CCSER1: variants seen among roughly 807,000 people sequenced by gnomAD.
CCSER1 encodes serine-rich coiled-coil domain-containing protein 1.
CCSER1 carries 41 observed loss-of-function variants against 82.0 expected under a neutral mutation model. The ratio of observed to expected loss-of-function variants is 0.50; its 90% confidence interval spans 0.39 to 0.65. The LOEUF is 0.65. Among genes scored for constraint, CCSER1 ranks in the 30% least tolerant of loss-of-function variants. CCSER1 has a pLI of 0.00. For synonymous variants in CCSER1, 414 were observed against 383.9 expected (o/e 1.08, Z -0.92); for missense variants, 1,119 against 1,064.2 (o/e 1.05, Z -0.72).
intron 10 of CCSER1, among the ~76,000 whole-genome samples, chr4:91,130,448 C>CA (rs1346983577): frequency 6.6e-6 from 1 of 151,824 alleles, no homozygotes; most frequent in Non-Finnish European, 1.5e-5. Flanking sequence ...AGGTCCTTCT[C>CA]AGTTCTAAGT....
chr4:90,874,488 G>C (rs1186849297), intron 8 of CCSER1, among the ~76,000 whole-genome samples: 1 of 151,842 alleles, frequency 6.6e-6, no homozygotes, highest in Non-Finnish European at 1.5e-5. Flanking sequence ...TCTTGTGGAT[G>C]GGACATTTGG....
intron 9 of CCSER1, among the ~76,000 whole-genome samples, chr4:90,969,811 C>T (rs1414285620): frequency 6.6e-6 from 1 of 151,688 alleles, no homozygotes; most frequent in Non-Finnish European, 1.5e-5. Context: ...GTGTAAACTA[C>T]TTGTAATTCT....
At chr4:90,940,242 T>G (rs1376138186) in intron 9 of CCSER1, among the ~76,000 whole-genome samples, 1 of 152,230 alleles carries the variant, frequency 6.6e-6, no homozygotes, top group South Asian at 2.1e-4. Context: ...TGATTTCTTT[T>G]TAATACCAGC....
intron 7 of CCSER1, among the ~76,000 whole-genome samples, chr4:90,727,747 C>G (rs1743926590): frequency 6.6e-6 from 1 of 152,172 alleles, no homozygotes; most frequent in South Asian, 2.1e-4. Flanking sequence ...CATAAAAGTA[C>G]AATTTATCAT....
intron 10 of CCSER1, among the ~76,000 whole-genome samples, chr4:91,366,229 C>A (rs1016391498): frequency 1.3e-5 from 2 of 152,160 alleles, no homozygotes; most frequent in African/African-American, 4.8e-5. Context: ...CTATGTTAGC[C>A]AGGCTGGTCT....
chr4:91,024,579 A>G (rs1030809104), intron 9 of CCSER1, among the ~76,000 whole-genome samples: 15 of 152,078 alleles, frequency 9.9e-5, no homozygotes, highest in Non-Finnish European at 1.9e-4. Context: ...ACATTTTTCC[A>G]AAGGAGTTTC....
At chr4:91,005,020 G>A (rs954097646) in intron 9 of CCSER1, among the ~76,000 whole-genome samples, 2 of 152,034 alleles carry the variant, frequency 1.3e-5, no homozygotes, top group African/African-American at 4.8e-5. Flanking sequence ...AAATGAATAG[G>A]GACAGCATTG....
intron 10 of CCSER1, among the ~76,000 whole-genome samples, chr4:91,103,073 T>C (rs1277428917): frequency 6.6e-6 from 1 of 152,222 alleles, no homozygotes; most frequent in African/African-American, 2.4e-5. Context: ...ATTTAGTTCC[T>C]GTAAACCCAC....
Position 91,491,320 on chromosome 4 carries a change from C to A in CCSER1, c.2218-107252C>A, listed in dbSNP as rs140720560. ...TTGGGGTCAGAGGCAAGTTATCAAA[C>A]CTAGCGAGTCAGTAAACCTCTGTAA... On this transcript the variant is annotated intron_variant, in intron 10 of 10. Coordinates refer to ENST00000509176, the MANE Select transcript of CCSER1 (RefSeq NM_001145065.2). Among the ~76,000 whole-genome samples, 1,488 of 152,010 alleles carry A rather than the reference C, an allele frequency of 9.8e-3. 10 individuals carry two copies. Among genetic ancestry groups the A allele is most frequent in the Middle Eastern group, 0.021 (6 of 292 alleles).
chr4:91,108,235 G>C (rs1581571832), intron 10 of CCSER1: 1 of 152,158 alleles, frequency 6.6e-6, no homozygotes, highest in Non-Finnish European at 1.5e-5. Context: ...ATTGTGGCCT[G>C]TAAATCTCTT....
intron 10 of CCSER1, among the ~76,000 whole-genome samples, chr4:91,220,127 G>T (rs1737618527): frequency 6.6e-6 from 1 of 152,174 alleles, no homozygotes; most frequent in Non-Finnish European, 1.5e-5. Flanking sequence ...ACTATACTGG[G>T]CATGTTAAAA....
intron 9 of CCSER1, among the ~76,000 whole-genome samples, chr4:90,934,444 A>G (rs975971307): frequency 3.1e-5 from 4 of 127,016 alleles, no homozygotes; most frequent in Non-Finnish European, 6.4e-5. Flanking sequence ...CTAATTGAAG[A>G]ATATTTTCTT....
chr4:91,549,623 C>A (rs1413461029), intron 10 of CCSER1, among the ~76,000 whole-genome samples: 1 of 152,034 alleles, frequency 6.6e-6, no homozygotes, highest in Non-Finnish European at 1.5e-5. Context: ...GATCACTTGA[C>A]CTCAGGAGTT....
intron 1 of CCSER1, among the ~76,000 whole-genome samples, chr4:90,128,332 C>T (rs923320628): frequency 6.6e-6 from 1 of 152,124 alleles, no homozygotes; most frequent in Non-Finnish European, 1.5e-5. Context: ...CCGGAGGAAC[C>T]GCAGTGCGGG....
intron 4 of CCSER1, among the ~76,000 whole-genome samples, chr4:90,410,300 C>G (rs938309725): frequency 2.0e-5 from 3 of 152,208 alleles, no homozygotes; most frequent in Non-Finnish European, 4.4e-5. Context: ...ATCTGCAGAA[C>G]TCTCCACCCC....
At chr4:90,992,613 A>G (rs1315942609) in intron 9 of CCSER1, among the ~76,000 whole-genome samples, 1 of 151,994 alleles carries the variant, frequency 6.6e-6, no homozygotes. Context: ...AAGGGTTATT[A>G]TAAGATATTA....
chr4:90,804,273 A>G (rs748769882), intron 7 of CCSER1, among the ~76,000 whole-genome samples: 2 of 152,144 alleles, frequency 1.3e-5, no homozygotes, highest in African/African-American at 2.4e-5. Context: ...TGTTTTAGAC[A>G]TGAAGTCTTT....
intron 5 of CCSER1, among the ~76,000 whole-genome samples, chr4:90,574,548 G>A (rs1205634221): frequency 2.6e-5 from 4 of 151,846 alleles, no homozygotes; most frequent in African/African-American, 9.7e-5. Context: ...GATTACAGGC[G>A]TGAGCCACCG....
At chr4:90,183,247 A>T (rs1037757466) in intron 1 of CCSER1, among the ~76,000 whole-genome samples, 1 of 152,136 alleles carries the variant, frequency 6.6e-6, no homozygotes, top group Non-Finnish European at 1.5e-5. Context: ...CCTCCCATTC[A>T]TATAATTCCT....
Sources: allele counts gnomAD v4.1 joint callset (sites outside exome capture counted in the v4.1 genomes callset), GRCh38; gene constraint gnomAD v4.1.1; transcripts MANE v1.5; gene names NCBI Gene and HGNC (gene_info 2026-07-23, HGNC 2026-07-21).